The following PTPRZ1 variants were observed in gnomAD, a reference collection of about 807,000 sequenced individuals.
PTPRZ1 encodes receptor-type tyrosine-protein phosphatase zeta.
Under a neutral mutation model 214.1 loss-of-function variants are expected in PTPRZ1, and 82 were observed. That is an observed-to-expected ratio of 0.38 (90% CI 0.32 to 0.46). The LOEUF (loss-of-function observed/expected upper bound fraction) is 0.46, where lower values mean the gene tolerates loss of function less well. Among genes scored for constraint, PTPRZ1 ranks in the 20% least tolerant of loss-of-function variants. PTPRZ1 has a pLI of 1.00. For synonymous variants in PTPRZ1, 945 were observed against 987.9 expected, an observed-to-expected ratio of 0.96 and a Z score of 0.81; for missense variants, 2,603 against 2,748.7, an observed-to-expected ratio of 0.95 and a Z score of 1.19.
chr7:121,974,426 T>C (rs1202797781), intron 4 of PTPRZ1, among the ~76,000 whole-genome samples: 2 of 152,152 alleles, frequency 1.3e-5, no homozygotes, highest in Non-Finnish European at 1.5e-5. Context: ...CTAAACCTAA[T>C]ACAATTATTT....
At chr7:122,016,871 G>A (rs543361474) in intron 12 of PTPRZ1, among the ~76,000 whole-genome samples, 82 of 151,996 alleles carry the variant, frequency 5.4e-4, no homozygotes, top group South Asian at 3.9e-3. Context: ...TACATCACTG[G>A]TTCTCAAACT....
intron 27 of PTPRZ1, 42 bp downstream of exon 27, chr7:122,055,129 C>A: frequency 2.8e-6 from 4 of 1,414,042 alleles, no homozygotes; most frequent in South Asian, 1.4e-5. Context: ...ATCTTAAACA[C>A]ATGTTAAACA....
At chr7:121,974,251 A>G (rs190830095) in intron 4 of PTPRZ1, among the ~76,000 whole-genome samples, 1 of 152,260 alleles carries the variant, frequency 6.6e-6, no homozygotes, top group African/African-American at 2.4e-5. Flanking sequence ...CATTTATCAA[A>G]TTTGCTTTGT....
intron 21 of PTPRZ1, among the ~76,000 whole-genome samples, chr7:122,041,255 G>A (rs1016753969): frequency 3.9e-5 from 6 of 152,170 alleles, no homozygotes; most frequent in African/African-American, 1.4e-4. Flanking sequence ...TTTGAGGCAG[G>A]TGGAACAATG....
chr7:121,944,921 C>G (rs947535051), intron 2 of PTPRZ1, among the ~76,000 whole-genome samples: 1 of 152,108 alleles, frequency 6.6e-6, no homozygotes. Flanking sequence ...GGAATTACAG[C>G]GCAAGCCACC....
rs767666574 is a variant in PTPRZ1, at chr7:122,058,906, C to A, written c.6635C>A (p.Ala2212Asp). The A allele has an allele frequency of 2.5e-6, 4 of 1,593,018 alleles. No individual in the cohort carries two copies. The Admixed American group carries it at 6.7e-5, about 27-fold the overall frequency. Residue 2212 changes from alanine to aspartate, a missense_variant, in exon 28 of 30, where the codon GCT becomes GAT. By Grantham distance (126) the Ala-to-Asp change is moderately radical. Coordinates refer to ENST00000393386, the MANE Select transcript of PTPRZ1 (RefSeq NM_002851.3). ...CTTATAAGTGTTATAAAAGAAGAAG[C>A]TGCCAATAGGGATGGGCCTATGATT... ...FELISVIKEE[A>D]ANRDGPMIVH...
Position 121,873,211 on chromosome 7 carries a change from G to T in PTPRZ1, c.-289G>T. On this transcript the variant is annotated 5_prime_UTR_variant, in exon 1 of 30. In the 5' UTR this introduces an upstream ATG that the reference lacks. Coordinates refer to ENST00000393386, the MANE Select transcript of PTPRZ1 (RefSeq NM_002851.3). ...AAGAGGCAAAGTCCCGCACGCCGGAGGACATGCGCCTCGGCTAGCGGCCCC... is the reference window on the plus strand; with the variant it reads ...AAGAGGCAAAGTCCCGCACGCCGGATGACATGCGCCTCGGCTAGCGGCCCC... 1 of 428,480 alleles carries T rather than the reference G, an allele frequency of 2.3e-6. No individual in the cohort carries two copies. The highest frequency in any genetic ancestry group is 4.1e-6 in the Non-Finnish European group (1 of 243,340). The allele number at this position is 428,480 out of a possible 1,614,324, so 26.5% of individuals were successfully genotyped here. A position where few individuals can be genotyped will look rare whatever the true frequency, so the allele number is the denominator to read the frequency against.
intron 1 of PTPRZ1, among the ~76,000 whole-genome samples, chr7:121,897,223 G>C (rs1012983475): frequency 6.6e-6 from 1 of 152,144 alleles, no homozygotes; most frequent in Non-Finnish European, 1.5e-5. Context: ...ACTTGGACTT[G>C]AACCCAGGTC....
intron 8 of PTPRZ1, among the ~76,000 whole-genome samples, chr7:121,992,014 T>A (rs947465219): frequency 1.3e-5 from 2 of 152,210 alleles, no homozygotes; most frequent in Non-Finnish European, 2.9e-5. Flanking sequence ...GTGGTGGACT[T>A]ATTAGCATGT....
At chr7:122,023,654 A>T (rs932912744) in intron 13 of PTPRZ1, among the ~76,000 whole-genome samples, 2 of 132,340 alleles carry the variant, frequency 1.5e-5, no homozygotes, top group African/African-American at 2.9e-5. Flanking sequence ...ATAATTATAT[A>T]TATTATATGT....
intron 1 of PTPRZ1, among the ~76,000 whole-genome samples, chr7:121,891,176 A>G (rs1175428440): frequency 6.6e-6 from 1 of 151,966 alleles, no homozygotes; most frequent in Admixed American, 6.6e-5. Flanking sequence ...GTTTTTGTTC[A>G]ATGATACTTT....
chr7:121,969,359 C>G (rs1205047014), intron 3 of PTPRZ1, among the ~76,000 whole-genome samples: 1 of 152,114 alleles, frequency 6.6e-6, no homozygotes, highest in Non-Finnish European at 1.5e-5. Context: ...GTCAGGAGTT[C>G]AAGACCAGCT....
intron 1 of PTPRZ1, among the ~76,000 whole-genome samples, chr7:121,899,346 T>C (rs950746315): frequency 6.6e-6 from 1 of 152,218 alleles, no homozygotes; most frequent in African/African-American, 2.4e-5. Flanking sequence ...TCAAGATCTC[T>C]CAAGTACATT....
At chr7:121,908,364 G>GTCGC in intron 1 of PTPRZ1, 1 of 251,856 alleles carries the variant, frequency 4.0e-6, no homozygotes, top group Non-Finnish European at 7.8e-6. Flanking sequence ...AATCCCTTTG[G>GTCGC]AAAAGAATAT....
chr7:122,058,728 T>G, intron 27 of PTPRZ1, 72 bp from the exon 28 acceptor site: 1 of 1,380,668 alleles, frequency 7.2e-7, no homozygotes, highest in Non-Finnish European at 1.0e-6. Flanking sequence ...CTGTAATTCC[T>G]GATTTTCCTC....
intron 2 of PTPRZ1, among the ~76,000 whole-genome samples, chr7:121,965,607 T>C (rs889818811): frequency 1.3e-5 from 2 of 152,072 alleles, no homozygotes; most frequent in African/African-American, 2.4e-5. Flanking sequence ...TAATCCACCA[T>C]CCTCTTTGCC....
At chr7:121,954,611 A>G (rs994266480) in intron 2 of PTPRZ1, among the ~76,000 whole-genome samples, 34 of 152,208 alleles carry the variant, frequency 2.2e-4, no homozygotes, top group African/African-American at 8.2e-4. Context: ...ATTAGATTAT[A>G]TTATAATTGA....
At chr7:121,945,043 ATC>A (rs1404165289) in intron 2 of PTPRZ1, among the ~76,000 whole-genome samples, 1 of 152,236 alleles carries the variant, frequency 6.6e-6, no homozygotes. Context: ...AAAAAATGTT[ATC>A]TGTCAGTTCC....
chr7:122,036,773 T>A (rs1584765259), intron 18 of PTPRZ1, 91 bp downstream of exon 18: 2 of 781,358 alleles, frequency 2.6e-6, no homozygotes, highest in East Asian at 5.7e-5. Flanking sequence ...ATACTAGTGC[T>A]TAATGTCATG....
Sources: gnomAD v4.1 joint callset for allele counts (sites outside exome capture counted in the v4.1 genomes callset) on GRCh38, gnomAD v4.1.1 for gene constraint, MANE v1.5 for transcripts, NCBI Gene and HGNC (gene_info 2026-07-23, HGNC 2026-07-21) for gene names.